Variants in KMT2C observed in about 807,000 individuals in gnomAD.
The protein encoded by KMT2C is histone-lysine N-methyltransferase 2C.
KMT2C carries 88 observed loss-of-function variants against 507.9 expected under a neutral mutation model. The ratio of observed to expected loss-of-function variants is 0.17; its 90% confidence interval spans 0.15 to 0.21. KMT2C has a LOEUF of 0.21. Ranked by LOEUF, KMT2C falls within the 10% of genes least tolerant of loss-of-function variation. The pLI, the probability that KMT2C is intolerant of heterozygous loss-of-function variation, is 1.00. For synonymous variants in KMT2C, 2,049 were observed against 2,080.8 expected (o/e 0.98, Z 0.42); for missense variants, 4,954 against 5,957.8 (o/e 0.83, Z 5.55).
At chr7:152,283,377 C>A (rs2096251363) in intron 6 of KMT2C, among the ~76,000 whole-genome samples, 14 of 152,040 alleles carry the variant, frequency 9.2e-5, no homozygotes, top group Non-Finnish European at 1.5e-5. Flanking sequence ...TAGGAGTAAA[C>A]ACAGACACAG....
rs769125954 is a variant in KMT2C at position 152,162,924 on chromosome 7, A to C, written c.10653T>G (p.Pro3551=). The C allele has an allele frequency of 5.6e-6, 9 of 1,614,206 alleles. No individual in the cohort carries two copies. The highest frequency in any genetic ancestry group is 3.3e-5 in the Admixed American group (2 of 60,024). ...GTSFQQSPVR[P]SFTPALPAAP... ...CTGCTGGTAAAGCAGGTGTAAAAGA[A>C]GGCCTCACTGGGGACTGCTGGAAGC... Residue 3551 remains proline (P), a synonymous_variant, in exon 43 of 59, where the codon CCT becomes CCG. Coordinates refer to ENST00000262189, the MANE Select transcript of KMT2C (RefSeq NM_170606.3).
rs74531511 is a variant in KMT2C, at chr7:152,322,910, G to C, written c.390-7572C>G. Among the ~76,000 whole-genome samples, 15 of 152,086 alleles carry C rather than the reference G, an allele frequency of 9.9e-5. No homozygotes were observed. The East Asian group carries it at 2.5e-3, about 25-fold the overall frequency. ...ATACAAATGGCCAACAGGTACATGAGAAAATGTTCAGCATCACTACTCATT... is the reference window on the plus strand; with the variant it reads ...ATACAAATGGCCAACAGGTACATGACAAAATGTTCAGCATCACTACTCATT... On this transcript the variant is annotated intron_variant, in intron 3 of 58. Coordinates refer to ENST00000262189, the MANE Select transcript of KMT2C (RefSeq NM_170606.3).
chr7:152,409,803 G>T (rs1025123108), intron 1 of KMT2C, among the ~76,000 whole-genome samples: 21 of 150,382 alleles, frequency 1.4e-4, no homozygotes, highest in Non-Finnish European at 3.1e-4. Context: ...TATTTCTTGG[G>T]TTTTTTTTTA....
At chr7:152,363,321 G>A (rs2097211571) in intron 1 of KMT2C, among the ~76,000 whole-genome samples, 1 of 151,968 alleles carries the variant, frequency 6.6e-6, no homozygotes, top group East Asian at 1.9e-4. Flanking sequence ...TTATTACCAA[G>A]AAATGTGAAG....
At position 152,149,059 on chromosome 7, in the gene KMT2C, G is replaced by A. The variant is rs2129095697; in HGVS notation, c.12868C>T (p.His4290Tyr). The A allele has an allele frequency of 6.5e-7, 1 of 1,526,842 alleles. No homozygotes were observed. The highest frequency in any genetic ancestry group is 8.8e-7 in the Non-Finnish European group (1 of 1,141,474). 94.6% of individuals were successfully genotyped at this position (1,526,842 alleles called of 1,614,324 possible). Residue 4290 changes from histidine to tyrosine, a missense_variant, in exon 52 of 59, where the codon CAC (histidine) becomes TAC (tyrosine). Transcript: ENST00000262189. ...YSNNISTLDV[H>Y]CLPQLPEKAS... ...TTCTCTGGGAGCTGGGGGAGACAGT[G>A]CACATCCAAAGTGGAGATGTTGTTG...
At chr7:152,425,612 C>A (rs931332715) in intron 1 of KMT2C, among the ~76,000 whole-genome samples, 3 of 152,174 alleles carry the variant, frequency 2.0e-5, no homozygotes, top group Non-Finnish European at 4.4e-5. Flanking sequence ...ACTGACCAAA[C>A]ACTTCAACTA....
intron 1 of KMT2C, among the ~76,000 whole-genome samples, chr7:152,429,567 C>A (rs189231350): frequency 4.5e-4 from 68 of 151,776 alleles, no homozygotes; most frequent in African/African-American, 1.6e-3. Context: ...GTCGCCCAGG[C>A]TGGTGTGCAA....
At chr7:152,412,878 T>C (rs974513600) in intron 1 of KMT2C, among the ~76,000 whole-genome samples, 2 of 152,210 alleles carry the variant, frequency 1.3e-5, no homozygotes, top group African/African-American at 4.8e-5. Context: ...AGAATCCTGA[T>C]TATAGATTAT....
At chr7:152,167,518 C>A in intron 41 of KMT2C, 140 bp from the exon 42 acceptor site, 1 of 598,534 alleles carries the variant, frequency 1.7e-6, no homozygotes, top group Non-Finnish European at 2.9e-6. Flanking sequence ...AAATATTAGA[C>A]GATTATGTAA....
chr7:152,260,257 A>G (rs949810262), intron 9 of KMT2C, among the ~76,000 whole-genome samples: 4 of 152,210 alleles, frequency 2.6e-5, no homozygotes, highest in Non-Finnish European at 5.9e-5. Flanking sequence ...GAAATTATGT[A>G]ATTCTGTCAC....
chr7:152,337,764 T>C (rs528646197), intron 2 of KMT2C, among the ~76,000 whole-genome samples: 1 of 152,034 alleles, frequency 6.6e-6, no homozygotes, highest in Non-Finnish European at 1.5e-5. Flanking sequence ...ACGTCTTAAG[T>C]GTAGTGATGT....
intron 1 of KMT2C, among the ~76,000 whole-genome samples, chr7:152,360,898 T>C (rs1232317244): frequency 6.6e-6 from 1 of 151,274 alleles, no homozygotes; most frequent in Non-Finnish European, 1.5e-5. Context: ...GTTTTATAAT[T>C]AAACTACTAA....
chr7:152,278,825 AAT>A (rs1445684704), intron 6 of KMT2C, among the ~76,000 whole-genome samples: 8 of 152,300 alleles, frequency 5.3e-5, no homozygotes, highest in East Asian at 1.9e-4. Flanking sequence ...ACACCTAATA[AAT>A]ATATGTCACA....
At chr7:152,157,899 T>A (rs752297405) in intron 44 of KMT2C, 2 of 1,338,042 alleles carry the variant, frequency 1.5e-6, no homozygotes, top group South Asian at 2.4e-5. Context: ...CAATGATTGG[T>A]TCCATTAGAG....
chr7:152,275,290 A>C (rs971009512), intron 6 of KMT2C, among the ~76,000 whole-genome samples: 26 of 152,208 alleles, frequency 1.7e-4, no homozygotes, highest in Non-Finnish European at 2.6e-4. Context: ...CACACCTGTA[A>C]TCCCGGCACT....
intron 6 of KMT2C, among the ~76,000 whole-genome samples, chr7:152,292,799 C>A (rs1168969613): frequency 1.3e-5 from 2 of 152,132 alleles, no homozygotes; most frequent in Admixed American, 6.5e-5. Flanking sequence ...CTCAGCTTTT[C>A]AACCTCTCAG....
At chr7:152,225,126 G>A (rs1448819815) in intron 18 of KMT2C, among the ~76,000 whole-genome samples, 2 of 152,096 alleles carry the variant, frequency 1.3e-5, no homozygotes, top group African/African-American at 4.8e-5. Context: ...TCACTCCTCT[G>A]TTTATTCTCC....
chr7:152,292,882 C>T (rs948351150), intron 6 of KMT2C, among the ~76,000 whole-genome samples: 2 of 152,138 alleles, frequency 1.3e-5, no homozygotes, highest in African/African-American at 4.8e-5. Context: ...CTCTGCACAA[C>T]CTTACCCTCT....
chr7:152,323,421 T>C (rs1327153081), intron 3 of KMT2C, among the ~76,000 whole-genome samples: 1 of 151,860 alleles, frequency 6.6e-6, no homozygotes, highest in Non-Finnish European at 1.5e-5. Flanking sequence ...GAGGACTGCT[T>C]GAGCCCAGAT....
Sources: gnomAD v4.1 joint callset for allele counts (sites outside exome capture counted in the v4.1 genomes callset) on GRCh38, gnomAD v4.1.1 for gene constraint, MANE v1.5 for transcripts, NCBI Gene and HGNC (gene_info 2026-07-23, HGNC 2026-07-21) for gene names.